The following TRIM37 variants were observed in gnomAD, a reference collection of about 807,000 sequenced individuals.
TRIM37 encodes tripartite motif containing 37, also known as E3 ubiquitin-protein ligase TRIM37.
A neutral mutation model predicts 129.8 loss-of-function variants in TRIM37; 80 were observed. That is an observed-to-expected ratio of 0.62 (90% CI 0.51 to 0.74). The LOEUF (loss-of-function observed/expected upper bound fraction) is 0.74. Among genes scored for constraint, TRIM37 ranks in the 30% least tolerant of loss-of-function variants. The pLI, the probability that TRIM37 is intolerant of heterozygous loss-of-function variation, is 0.00. For missense variants in TRIM37, 1,054 were observed against 1,176.5 expected (o/e 0.90, Z 1.52); for synonymous variants, 389 against 387.1 (o/e 1.00, Z -0.06).
chr17:59,022,932 G>A (rs899396278), intron 19 of TRIM37, among the ~76,000 whole-genome samples: 5 of 151,986 alleles, frequency 3.3e-5, no homozygotes, highest in Non-Finnish European at 7.4e-5. Context: ...TACAGTTGAC[G>A]CTTGAACAGC....
chr17:59,001,635 G>A lies in TRIM37; in HGVS notation c.2775C>T (p.His925=), dbSNP rs560166552. The A allele has an allele frequency of 2.4e-5, 38 of 1,614,014 alleles. No individual in the cohort carries two copies. The highest frequency in any genetic ancestry group is 3.3e-5 in the South Asian group (3 of 91,070). ...QEEHTSVGGF[H]DSFMVMTQPP... is the part of the protein sequence containing the mutation. The stretch of plus-strand genomic sequence containing the variant: ...GCTGTGTCATGACCATGAAGGAGTC[G>A]TGAAACCCGCCCACACTGGTATGCT... Residue 925 remains histidine (H), a synonymous_variant, in exon 23 of 24, where the codon CAC becomes CAT. Transcript: ENST00000262294.
chr17:58,983,083 G>T (rs932661524), intron 24 of TRIM37: 3 of 609,448 alleles, frequency 4.9e-6, no homozygotes, highest in South Asian at 4.7e-5. Context: ...TACTACACAT[G>T]CTAGGCTTTC....
intron 24 of TRIM37, among the ~76,000 whole-genome samples, chr17:58,988,802 A>C (rs2032063960): frequency 1.3e-5 from 2 of 152,188 alleles, no homozygotes; most frequent in Admixed American, 1.3e-4. Flanking sequence ...GTATCATCAC[A>C]GGAACTCGAG....
chr17:58,993,158 GCCA>G (rs1351924321), intron 24 of TRIM37, among the ~76,000 whole-genome samples: 4 of 152,206 alleles, frequency 2.6e-5, no homozygotes, highest in Admixed American at 6.5e-5. Context: ...GCTCTCGTCT[GCCA>G]CCACATGAGA....
At chr17:59,092,421 C>T (rs191069701) in intron 2 of TRIM37, among the ~76,000 whole-genome samples, 3 of 149,100 alleles carry the variant, frequency 2.0e-5, no homozygotes, top group African/African-American at 7.4e-5. Flanking sequence ...ACAAAAAAAA[C>T]GGTTTCATAG....
chr17:59,000,418 G>A (rs2033553883), intron 23 of TRIM37, among the ~76,000 whole-genome samples: 2 of 152,152 alleles, frequency 1.3e-5, no homozygotes, highest in South Asian at 4.1e-4. Context: ...TGGCCAACAT[G>A]GTGAAACCCT....
At chr17:58,985,094 A>C (rs753603152) in intron 24 of TRIM37, 1 of 152,662 alleles carries the variant, frequency 6.6e-6, no homozygotes, top group African/African-American at 2.4e-5. Context: ...GTGATCCTTC[A>C]TATTTTATTA....
intron 19 of TRIM37, among the ~76,000 whole-genome samples, chr17:59,027,371 T>C (rs1015900891): frequency 2.6e-5 from 4 of 152,176 alleles, no homozygotes; most frequent in Non-Finnish European, 4.4e-5. Flanking sequence ...TTCCTAAAAT[T>C]CTATTTAGGC....
chr17:59,081,707 T>A (rs2043266068), intron 5 of TRIM37, among the ~76,000 whole-genome samples: 1 of 151,904 alleles, frequency 6.6e-6, no homozygotes, highest in Admixed American at 6.6e-5. Flanking sequence ...GAGGAATTCA[T>A]GACTGGCCTG....
chr17:59,006,225 A>G (rs1056816080), intron 22 of TRIM37, among the ~76,000 whole-genome samples: 4 of 152,210 alleles, frequency 2.6e-5, no homozygotes, highest in African/African-American at 9.6e-5. Context: ...AATGTAAAGA[A>G]AAAGACAAAT....
At chr17:58,996,107 T>G (rs908732891), downstream of TRIM37, among the ~76,000 whole-genome samples, 3 of 152,100 alleles carry the variant, frequency 2.0e-5, no homozygotes, top group Non-Finnish European at 4.4e-5. Context: ...CGTAAATCTA[T>G]AGTAGGAAAT....
intron 5 of TRIM37, among the ~76,000 whole-genome samples, chr17:59,082,274 A>G (rs562530040): frequency 6.0e-4 from 92 of 152,214 alleles, no homozygotes; most frequent in African/African-American, 2.1e-3. Context: ...CTGTCTCAAA[A>G]AAACAAAACA....
chr17:59,053,372 G>A (rs2040535464), intron 13 of TRIM37, among the ~76,000 whole-genome samples: 1 of 152,182 alleles, frequency 6.6e-6, no homozygotes, highest in South Asian at 2.1e-4. Context: ...AGGATAATGT[G>A]AAGCCCCCTA....
chr17:59,081,961 A>T (rs71375107), intron 5 of TRIM37, among the ~76,000 whole-genome samples: 33,921 of 105,898 alleles, frequency 0.32, 5,151 homozygotes, highest in Non-Finnish European at 0.38. Context: ...AATAAAAAAA[A>T]AAAAATAATA....
At chr17:59,003,294 A>G (rs910435099) in intron 22 of TRIM37, among the ~76,000 whole-genome samples, 1 of 152,226 alleles carries the variant, frequency 6.6e-6, no homozygotes, top group Non-Finnish European at 1.5e-5. Context: ...AAAAAGTCTT[A>G]CCTCAAAATT....
chr17:58,980,320 G>A (rs2031281605), downstream of TRIM37: 1 of 1,614,010 alleles, frequency 6.2e-7, no homozygotes, highest in Admixed American at 1.7e-5. The surrounding 1 kb of genome is among the most constrained non-coding windows in gnomAD (Gnocchi z 4.7). Flanking sequence ...GGGATGATAA[G>A]GAGAATCATG....
At chr17:59,061,290 A>T (rs1426655172) in intron 11 of TRIM37, among the ~76,000 whole-genome samples, 182 bp from the exon 12 acceptor site, 1 of 152,120 alleles carries the variant, frequency 6.6e-6, no homozygotes, top group African/African-American at 2.4e-5. Flanking sequence ...TTAAAAAAAA[A>T]GTGAAACTAT....
chr17:58,984,193 C>G (rs1270345153), intron 24 of TRIM37: 1 of 152,626 alleles, frequency 6.6e-6, no homozygotes, highest in Non-Finnish European at 1.5e-5. Flanking sequence ...TTTCCAAGGA[C>G]AATGGCAACA....
intron 19 of TRIM37, among the ~76,000 whole-genome samples, chr17:59,017,958 G>A (rs923200857): frequency 1.3e-5 from 2 of 152,132 alleles, no homozygotes; most frequent in African/African-American, 4.8e-5. Context: ...TTATCTGTGA[G>A]CTCCTTAAGA....
Sources: allele counts gnomAD v4.1 joint callset (sites outside exome capture counted in the v4.1 genomes callset), GRCh38; gene constraint gnomAD v4.1.1; non-coding constraint Gnocchi (gnomAD v3.1); transcripts MANE v1.5; gene names NCBI Gene and HGNC (gene_info 2026-07-23, HGNC 2026-07-21).